Variants in LSAMP observed in about 807,000 individuals in gnomAD.
The protein encoded by LSAMP is limbic system associated membrane protein.
Under a neutral mutation model 38.6 loss-of-function variants are expected in LSAMP, and 7 were observed. The ratio of observed to expected loss-of-function variants is 0.18; its 90% CI spans 0.10 to 0.34. The LOEUF is 0.34. Ranked by LOEUF, LSAMP falls within the 10% of genes least tolerant of loss-of-function variation. LSAMP has a pLI of 1.00. For missense variants in LSAMP, 313 were observed against 420.0 expected (o/e 0.75, Z 2.23); for synonymous variants, 154 against 166.8 (o/e 0.92, Z 0.59).
chr3:115,960,557 C>T (rs1446648105), intron 3 of LSAMP, among the ~76,000 whole-genome samples: 4 of 152,092 alleles, frequency 2.6e-5, no homozygotes, highest in Non-Finnish European at 4.4e-5. Context: ...TTAGGCATCC[C>T]CCAAGTCAGC....
chr3:116,266,365 TTTA>T (rs1260940687), intron 1 of LSAMP, among the ~76,000 whole-genome samples: 1 of 152,156 alleles, frequency 6.6e-6, no homozygotes, highest in Non-Finnish European at 1.5e-5. Flanking sequence ...GAGATGGGAA[TTTA>T]TTATGCTGCT....
At chr3:116,280,934 A>G (rs2047119408) in intron 1 of LSAMP, among the ~76,000 whole-genome samples, 2 of 152,292 alleles carry the variant, frequency 1.3e-5, no homozygotes, top group South Asian at 4.1e-4. Flanking sequence ...AATAAACTGG[A>G]AGACATTGAA....
At chr3:116,198,892 A>ACACAGG (rs1174129078) in intron 1 of LSAMP, among the ~76,000 whole-genome samples, 1 of 152,104 alleles carries the variant, frequency 6.6e-6, no homozygotes, top group African/African-American at 2.4e-5. Context: ...AGCCTGGGCA[A>ACACAGG]CACAGGAAGA....
chr3:116,144,768 T>A (rs749147138), intron 1 of LSAMP, among the ~76,000 whole-genome samples: 5 of 151,958 alleles, frequency 3.3e-5, no homozygotes, highest in African/African-American at 9.7e-5. Context: ...TACATCTTAC[T>A]TTTAATTCAA....
chr3:116,282,372 T>C lies in LSAMP; in HGVS notation c.155+162505A>G, dbSNP rs140783823. On this transcript the variant is annotated intron_variant, in intron 1 of 6. Transcript: ENST00000490035. Reference sequence around the variant, plus strand: ...GATTTGAAAAAAAAAATCTGTTCTTTTAACTAGTGGCACATAAATTCTTCA... The same window carrying C: ...GATTTGAAAAAAAAAATCTGTTCTTCTAACTAGTGGCACATAAATTCTTCA... Among the ~76,000 whole-genome samples, 98 of 152,356 alleles carry C rather than the reference T, an allele frequency of 6.4e-4. 1 individual carries two copies. The East Asian group carries it at 0.014, about 22-fold the overall frequency.
chr3:116,023,160 G>A (rs1024465108), intron 2 of LSAMP, among the ~76,000 whole-genome samples: 14 of 146,424 alleles, frequency 9.6e-5, no homozygotes, highest in Non-Finnish European at 1.7e-4. Flanking sequence ...ATACATATGT[G>A]TGTGTGTCTC....
chr3:116,317,797 C>A, intron 1 of LSAMP, among the ~76,000 whole-genome samples: 1 of 151,864 alleles, frequency 6.6e-6, no homozygotes, highest in Non-Finnish European at 1.5e-5. Context: ...TTTAAAAGGC[C>A]AGAAGTCTCT....
intron 4 of LSAMP, among the ~76,000 whole-genome samples, chr3:115,847,295 A>G (rs1935190494): frequency 6.6e-6 from 1 of 152,216 alleles, no homozygotes; most frequent in Admixed American, 6.5e-5. Context: ...AAAGCAGCAG[A>G]GGCAGAGGAT....
At chr3:115,979,550 T>C (rs1294864225) in intron 3 of LSAMP, among the ~76,000 whole-genome samples, 3 of 152,094 alleles carry the variant, frequency 2.0e-5, no homozygotes, top group African/African-American at 4.8e-5. Flanking sequence ...AGAAGTACCT[T>C]TGGGCCCAGA....
rs1937554472 is a variant in LSAMP at position 115,930,001 on chromosome 3, A to AGTTTTT, written c.515-77390_515-77385dup. 7.9e-5 allele frequency among the ~76,000 whole-genome samples: 2 copies of AGTTTTT among 25,342 alleles called. 1 individual carries two copies. Among genetic ancestry groups the AGTTTTT allele is most frequent in the East Asian group, 4.2e-3 (2 of 478 alleles). The allele number at this position is 25,342 out of a possible 152,430, so 16.6% of individuals were successfully genotyped here. On this transcript the variant is annotated intron_variant, in intron 3 of 6. Coordinates refer to ENST00000490035, the MANE Select transcript of LSAMP (RefSeq NM_002338.5). ...TATCCAGATCTATAAATTTAGCAGA[A>AGTTTTT]GTTTTTTTTTTTTTTTTTTTTTTTT...
At chr3:116,178,662 A>AT (rs1710411248) in intron 1 of LSAMP, among the ~76,000 whole-genome samples, 1 of 152,224 alleles carries the variant, frequency 6.6e-6, no homozygotes. Flanking sequence ...CTTTAAAAAA[A>AT]GGCTACCAAA....
chr3:116,023,033 C>T (rs1204387000), intron 2 of LSAMP, among the ~76,000 whole-genome samples: 1 of 152,056 alleles, frequency 6.6e-6, no homozygotes, highest in African/African-American at 2.4e-5. Flanking sequence ...AATTGATCCT[C>T]ATGTTCTGTT....
rs1576424272 is a variant in LSAMP at position 116,194,982 on chromosome 3, G to T, written c.156-108426C>A. ...TTTCCCTTCTTTTCTGAATCACTGT[G>T]CAGCAGACTGGTACAGGCTGTATTT... On this transcript the variant is annotated intron_variant, in intron 1 of 6. Transcript: ENST00000490035. 3.3e-5 allele frequency among the ~76,000 whole-genome samples: 5 copies of T among 152,300 alleles called. No individual in the cohort carries two copies. The South Asian group carries it at 1.0e-3, about 32-fold the overall frequency.
intron 1 of LSAMP, among the ~76,000 whole-genome samples, chr3:116,325,838 A>G (rs1266416947): frequency 1.3e-5 from 2 of 152,142 alleles, no homozygotes; most frequent in Non-Finnish European, 2.9e-5. Context: ...CAGCATCTCT[A>G]TTTTGATGAT....
At chr3:116,014,801 A>T (rs1940430256) in intron 3 of LSAMP, among the ~76,000 whole-genome samples, 1 of 152,236 alleles carries the variant, frequency 6.6e-6, no homozygotes. Context: ...AGGTACTTCT[A>T]TAATGCAACT....
chr3:116,400,631 C>A (rs1035578396), intron 1 of LSAMP, among the ~76,000 whole-genome samples: 30 of 152,058 alleles, frequency 2.0e-4, no homozygotes, highest in African/African-American at 6.5e-4. Flanking sequence ...GGAACTGCCA[C>A]CACAACTTGT....
chr3:115,863,688 T>C (rs925736637), intron 3 of LSAMP, among the ~76,000 whole-genome samples: 1 of 151,878 alleles, frequency 6.6e-6, no homozygotes, highest in African/African-American at 2.4e-5. Flanking sequence ...TTCTCTTCAT[T>C]TGATGCCTTC....
chr3:115,950,155 TC>T (rs111475656), intron 3 of LSAMP, among the ~76,000 whole-genome samples: 12,923 of 151,698 alleles, frequency 0.085, 1,732 homozygotes, highest in African/African-American at 0.29. Context: ...TTGAAAGAAA[TC>T]CCCCTGAGAA....
At chr3:116,186,772 G>A (rs988518859) in intron 1 of LSAMP, among the ~76,000 whole-genome samples, 1 of 151,970 alleles carries the variant, frequency 6.6e-6, no homozygotes, top group African/African-American at 2.4e-5. Context: ...TCTCTTCCTT[G>A]GTATTTTACT....
Sources: allele counts gnomAD v4.1 joint callset (sites outside exome capture counted in the v4.1 genomes callset), GRCh38; gene constraint gnomAD v4.1.1; transcripts MANE v1.5; gene names NCBI Gene and HGNC (gene_info 2026-07-23, HGNC 2026-07-21).